The following NFAT5 variants were observed in gnomAD, a reference collection of about 807,000 sequenced individuals.
NFAT5 encodes the protein nuclear factor of activated T cells 5, also known as nuclear factor of activated T-cells 5.
In NFAT5, 31 loss-of-function variants were observed where a neutral mutation model predicts 166.5. The ratio of observed to expected loss-of-function variants is 0.19; its 90% CI spans 0.14 to 0.25. NFAT5 has a LOEUF of 0.25. NFAT5 is among the 10% of genes least tolerant of loss of function. NFAT5 has a pLI of 1.00. For synonymous variants in NFAT5, 612 were observed against 639.7 expected (o/e 0.96, Z 0.65); for missense variants, 1,449 against 1,821.8 (o/e 0.80, Z 3.72).
Position 69,701,938 on chromosome 16 carries a change from T to C in NFAT5, c.*5587T>C, listed in dbSNP as rs1597588276. ...CCTCCAGACCTAAGATAATTCCTTT[T>C]GATCAGATACAGTCAGATGGAGTGC... is the stretch of plus-strand genomic sequence containing the variant. On this transcript the variant is annotated 3_prime_UTR_variant, in exon 15 of 15. Transcript: ENST00000349945. The C allele has an allele frequency of 3.3e-5, 5 of 152,484 alleles. No homozygotes were observed. In the South Asian group the frequency reaches 1.0e-3, roughly 32 times the overall value. 9.4% of individuals were successfully genotyped at this position (152,484 alleles called of 1,614,324 possible).
At chr16:69,617,485 A>G (rs2034007076) in intron 2 of NFAT5, among the ~76,000 whole-genome samples, 1 of 150,756 alleles carries the variant, frequency 6.6e-6, no homozygotes, top group African/African-American at 2.4e-5. Flanking sequence ...TTAGAGAACA[A>G]TTTTCTTTTC....
intron 9 of NFAT5, among the ~76,000 whole-genome samples, chr16:69,671,397 A>T (rs1006059219): frequency 3.3e-5 from 5 of 152,194 alleles, no homozygotes; most frequent in African/African-American, 1.2e-4. Flanking sequence ...CTTTTAAGAC[A>T]GTCTTGCTCT....
chr16:69,612,699 G>GAC (rs61143173), intron 2 of NFAT5, among the ~76,000 whole-genome samples: 8,940 of 150,040 alleles, frequency 0.06, 285 homozygotes, highest in Middle Eastern at 0.12. Context: ...CATACACAGA[G>GAC]ACACACACAC....
intron 10 of NFAT5, among the ~76,000 whole-genome samples, chr16:69,684,219 AC>A (rs1305350099): frequency 7.1e-6 from 1 of 140,238 alleles, no homozygotes; most frequent in East Asian, 2.2e-4. Flanking sequence ...GGATCATACC[AC>A]TGCACTCCTC....
At position 69,698,564 on chromosome 16, in the gene NFAT5, G is replaced by C. The variant is rs978405797; in HGVS notation, c.*2213G>C. The C allele has an allele frequency of 6.6e-6, 1 of 152,418 alleles. No individual in the cohort carries two copies. Among genetic ancestry groups the C allele is most frequent in the Non-Finnish European group, 1.5e-5 (1 of 68,014 alleles). 9.4% of individuals were successfully genotyped at this position (152,418 alleles called of 1,614,324 possible). On this transcript the variant is annotated 3_prime_UTR_variant, in exon 15 of 15. Transcript: ENST00000349945. ...TTTGAAACAAATGACCTGTTCATCT[G>C]TGGCCATTCCATCAGGCAGTTAGTT...
chr16:69,589,418 A>G (rs1459337612), intron 2 of NFAT5, among the ~76,000 whole-genome samples: 1 of 152,230 alleles, frequency 6.6e-6, no homozygotes, highest in Admixed American at 6.5e-5. Flanking sequence ...CCTATGAGAA[A>G]AATACCGTTT....
chr16:69,644,023 C>T (rs886657806), intron 3 of NFAT5, among the ~76,000 whole-genome samples: 1 of 152,166 alleles, frequency 6.6e-6, no homozygotes, highest in African/African-American at 2.4e-5. Flanking sequence ...TGGTGGCTCA[C>T]GCTTATAATC....
chr16:69,607,324 A>G (rs961318204), intron 2 of NFAT5, among the ~76,000 whole-genome samples: 3 of 152,234 alleles, frequency 2.0e-5, no homozygotes, highest in Non-Finnish European at 2.9e-5. Context: ...GATGCTTTGT[A>G]TAATGGTTGT....
intron 2 of NFAT5, among the ~76,000 whole-genome samples, chr16:69,610,058 G>A (rs1326945435): frequency 6.6e-6 from 1 of 151,736 alleles, no homozygotes; most frequent in East Asian, 1.9e-4. Flanking sequence ...CTTCAGTGTT[G>A]GGTCAAAGAA....
At chr16:69,637,004 A>G (rs1157392167) in intron 3 of NFAT5, among the ~76,000 whole-genome samples, 1 of 152,090 alleles carries the variant, frequency 6.6e-6, no homozygotes, top group Non-Finnish European at 1.5e-5. Flanking sequence ...CCCTTATAAA[A>G]CTGAATGCCT....
At position 69,573,233 on chromosome 16, in the gene NFAT5, AT is replaced by A. The variant is rs367690345; in HGVS notation, c.127+4695del. Among the ~76,000 whole-genome samples the A allele has an allele frequency of 8.0e-4, 121 of 150,368 alleles. 2 individuals carry two copies. The highest frequency in any genetic ancestry group is 2.4e-3 in the African/African-American group (97 of 41,052). On this transcript the variant is annotated intron_variant, in intron 2 of 14. Transcript: ENST00000349945. ...ATGAGTTAAGAGAAAATAAACTATG[AT>A]TTTTTTTTTACTACTGCTAATCTAT... is the stretch of plus-strand genomic sequence containing the variant.
At chr16:69,570,110 G>A (rs920280723) in intron 2 of NFAT5, among the ~76,000 whole-genome samples, 2 of 142,924 alleles carry the variant, frequency 1.4e-5, no homozygotes, top group Non-Finnish European at 1.6e-5. Context: ...TGGAAATACA[G>A]ACAACCATTT....
At chr16:69,620,272 A>T (rs2034137945) in intron 2 of NFAT5, among the ~76,000 whole-genome samples, 1 of 152,162 alleles carries the variant, frequency 6.6e-6, no homozygotes, top group Non-Finnish European at 1.5e-5. Context: ...TTAATAATTT[A>T]TGTTAATGGA....
At position 69,701,337 on chromosome 16, in the gene NFAT5, A is replaced by T. The variant is rs549277200; in HGVS notation, c.*4986A>T. On this transcript the variant is annotated 3_prime_UTR_variant, in exon 15 of 15. Coordinates refer to ENST00000349945, the MANE Select transcript of NFAT5 (RefSeq NM_138713.4). Reference sequence around the variant, plus strand: ...ATGTTTTTACTTTCTCTTTCAGGAAATTTTTTAAATTAATATTTTATATCT... The same window carrying T: ...ATGTTTTTACTTTCTCTTTCAGGAATTTTTTTAAATTAATATTTTATATCT... The T allele has an allele frequency of 1.3e-5, 2 of 152,630 alleles. No individual in the cohort carries two copies. The highest frequency in any genetic ancestry group is 4.8e-5 in the African/African-American group (2 of 41,540). 9.5% of individuals were successfully genotyped at this position (152,630 alleles called of 1,614,324 possible).
rs2037847846 is a variant in NFAT5 at position 69,699,058 on chromosome 16, A to G, written c.*2707A>G. On this transcript the variant is annotated 3_prime_UTR_variant, in exon 15 of 15. Transcript: ENST00000349945. ...AGTAGGGTTGGTTGAAATTTCAGAC[A>G]AAGCAAACCCAGCAGGTATAAAAAG... 6.5e-6 allele frequency: 1 copy of G among 152,674 alleles called. No homozygotes were observed. Among genetic ancestry groups the G allele is most frequent in the African/African-American group, 2.4e-5 (1 of 41,462 alleles). 9.5% of individuals were successfully genotyped at this position (152,674 alleles called of 1,614,324 possible).
chr16:69,683,828 G>T (rs2037171960), intron 10 of NFAT5, among the ~76,000 whole-genome samples: 1 of 152,148 alleles, frequency 6.6e-6, no homozygotes, highest in African/African-American at 2.4e-5. Flanking sequence ...AGCCAGTGCG[G>T]TGGCTCACGC....
intron 7 of NFAT5, 37 bp downstream of exon 7, chr16:69,659,936 G>T: frequency 6.8e-7 from 1 of 1,474,396 alleles, no homozygotes; most frequent in Non-Finnish European, 9.2e-7. Context: ...AACATATGGA[G>T]TTTCTTTCAT....
intron 5 of NFAT5, 98 bp from the exon 6 acceptor site, chr16:69,655,501 AAATGTAATTC>A: frequency 2.4e-6 from 2 of 824,110 alleles, no homozygotes; most frequent in Non-Finnish European, 1.7e-6. Context: ...AAATTTTTTT[AAATGTAATTC>A]AGTTACAAGT....
intron 2 of NFAT5, among the ~76,000 whole-genome samples, chr16:69,623,964 TAGTC>T (rs2034324789): frequency 6.6e-6 from 1 of 151,888 alleles, no homozygotes; most frequent in Non-Finnish European, 1.5e-5. Flanking sequence ...TTGGCCAGGC[TAGTC>T]TCGAACTCTT....
Sources: gnomAD v4.1 joint callset for allele counts (sites outside exome capture counted in the v4.1 genomes callset) on GRCh38, gnomAD v4.1.1 for gene constraint, MANE v1.5 for transcripts, NCBI Gene and HGNC (gene_info 2026-07-23, HGNC 2026-07-21) for gene names.